ERMN: variants seen among roughly 807,000 people sequenced by gnomAD.
ERMN encodes ermin, ERM-like protein.
Under a neutral mutation model 21.4 loss-of-function variants are expected in ERMN, and 17 were observed. That is an observed-to-expected ratio of 0.80 (90% CI 0.54 to 1.19). The LOEUF (loss-of-function observed/expected upper bound fraction) is 1.19. ERMN is among the 50% of genes most tolerant of loss of function. The pLI is 0.00. For synonymous variants in ERMN, 115 were observed against 111.9 expected, an observed-to-expected ratio of 1.03 and a Z score of -0.17; for missense variants, 348 against 331.6, an observed-to-expected ratio of 1.05 and a Z score of -0.38.
chr2:157,327,592 T>G (rs1352766745), upstream of ERMN: 6 of 698,172 alleles, frequency 8.6e-6, no homozygotes, highest in Non-Finnish European at 1.6e-5. Context: ...GCAAGCCTAC[T>G]GATGAGAGTT....
At chr2:157,322,947 TA>T (rs1425980412) in intron 2 of ERMN, among the ~76,000 whole-genome samples, 1 of 152,252 alleles carries the variant, frequency 6.6e-6, no homozygotes, top group Non-Finnish European at 1.5e-5. Flanking sequence ...TTGTCACATA[TA>T]AAATTACTCC....
chr2:157,322,388 C>A (rs1264544555), intron 2 of ERMN, among the ~76,000 whole-genome samples: 1 of 152,116 alleles, frequency 6.6e-6, no homozygotes, highest in Non-Finnish European at 1.5e-5. Flanking sequence ...TACCAACATA[C>A]CCTCAACAAT....
intron 2 of ERMN, chr2:157,324,093 TACACACACAC>T (rs61547889): frequency 1.0e-4 from 17 of 166,090 alleles, no homozygotes; most frequent in South Asian, 5.9e-4. Flanking sequence ...CTACTAAAAA[TACACACACAC>T]ACACACACAC....
At chr2:157,322,720 C>T (rs910318236) in intron 2 of ERMN, among the ~76,000 whole-genome samples, 2 of 152,182 alleles carry the variant, frequency 1.3e-5, no homozygotes, top group African/African-American at 2.4e-5. Flanking sequence ...CTAGGGAATA[C>T]ATAGTAAACT....
upstream of ERMN, among the ~76,000 whole-genome samples, chr2:157,326,366 A>G (rs1033764010): frequency 6.6e-6 from 1 of 152,210 alleles, no homozygotes; most frequent in Admixed American, 6.5e-5. Flanking sequence ...AATTCTACCA[A>G]CTTGCTAATA....
rs945095817 is a variant in ERMN at position 157,319,818 on chromosome 2, A to G, written c.*1453T>C. Reference sequence around the variant, plus strand: ...CAACTAAATAATAGTATGTGATACTATGGAAATATAATATATGACCCGGAA... The same window carrying G: ...CAACTAAATAATAGTATGTGATACTGTGGAAATATAATATATGACCCGGAA... On this transcript the variant is annotated 3_prime_UTR_variant, in exon 3 of 3. Coordinates refer to ENST00000410096, the MANE Select transcript of ERMN (RefSeq NM_020711.3). 1.6e-4 allele frequency: 25 copies of G among 152,206 alleles called. 1 individual carries two copies. The highest frequency in any genetic ancestry group is 1.5e-3 in the Admixed American group (23 of 15,264). 9.4% of individuals were successfully genotyped at this position (152,206 alleles called of 1,614,324 possible). A position where few individuals can be genotyped will look rare whatever the true frequency, so the allele number is the denominator to read the frequency against.
chr2:157,327,302 A>T, upstream of ERMN: 2 of 588,320 alleles, frequency 3.4e-6, no homozygotes, highest in Non-Finnish European at 3.1e-6. Flanking sequence ...TCCTTGGAAG[A>T]CATCTCTAAT....
intron 2 of ERMN, 109 bp from the exon 3 acceptor site, chr2:157,321,900 GT>G: frequency 2.2e-6 from 2 of 928,776 alleles, no homozygotes; most frequent in Non-Finnish European, 3.1e-6. Flanking sequence ...CCCAACACAT[GT>G]TTTATGGGAT....
At chr2:157,327,380 T>C (rs1398790638), upstream of ERMN, 10 of 748,452 alleles carry the variant, frequency 1.3e-5, no homozygotes, top group Non-Finnish European at 2.2e-5. Context: ...TCTATGTTTG[T>C]TTGATTGTTT....
At chr2:157,326,074 T>G (rs919496411), upstream of ERMN, 8 of 379,608 alleles carry the variant, frequency 2.1e-5, no homozygotes, top group Non-Finnish European at 3.1e-5. Flanking sequence ...TAATTTTCCC[T>G]GTAACAGGAG....
Position 157,321,574 on chromosome 2 carries a change from T to C in ERMN, c.552A>G (p.Glu184=). The part of the protein sequence containing the change: ...KHDEEQKVWD[E]EIDDDDDDNC... ...TATCATCATCATCATCATCAATTTC[T>C]TCATCCCAAACCTTCTGCTCCTCAT... is the stretch of plus-strand genomic sequence containing the variant. Residue 184 remains glutamate (E), a synonymous_variant, in exon 3 of 3, where the codon GAA becomes GAG. Transcript: ENST00000410096. The C allele has an allele frequency of 6.2e-7, 1 of 1,614,130 alleles. No individual in the cohort carries two copies. The highest frequency in any genetic ancestry group is 8.5e-7 in the Non-Finnish European group (1 of 1,180,008).
rs767831155 is a variant in ERMN at position 157,321,227 on chromosome 2, G to A, written c.*44C>T. 1.0e-5 allele frequency: 16 copies of A among 1,575,576 alleles called. No individual in the cohort carries two copies. In the African/African-American group the frequency reaches 2.0e-4, roughly 20 times the overall value. ...TATGCACCCTGGGGCAATAGAATTAGCTTTTCCTTTAGTGGGCATGAGAAT... is the reference window on the plus strand; with the variant it reads ...TATGCACCCTGGGGCAATAGAATTAACTTTTCCTTTAGTGGGCATGAGAAT... On this transcript the variant is annotated 3_prime_UTR_variant, in exon 3 of 3. Transcript: ENST00000410096.
At chr2:157,327,537 A>C, upstream of ERMN, 1 of 768,882 alleles carries the variant, frequency 1.3e-6, no homozygotes, top group South Asian at 1.4e-5. Flanking sequence ...AGAAAAATGA[A>C]GTGCAGAGAG....
chr2:157,325,623 G>A lies in ERMN; in HGVS notation c.20C>T (p.Thr7Ile), dbSNP rs1256665163. The A allele has an allele frequency of 5.0e-6, 8 of 1,614,084 alleles. No individual in the cohort carries two copies. The highest frequency in any genetic ancestry group is 6.8e-6 in the Non-Finnish European group (8 of 1,180,022). The change falls in exon 1 of 3, where the codon ACA becomes ATA. Residue 7 changes from threonine to isoleucine, a missense_variant. Transcript: ENST00000410096. The part of the protein sequence containing the change: MTDVPA[T>I]FTQAECNGDK... ...CCCATTACACTCAGCCTGGGTAAATGTAGCCGGAACATCTGTCATGATGTG... is the reference window on the plus strand; with the variant it reads ...CCCATTACACTCAGCCTGGGTAAATATAGCCGGAACATCTGTCATGATGTG...
In ERMN at chr2:157,320,165, A is replaced by G. The variant is rs913350555; in HGVS notation, c.*1106T>C. 2 of 152,604 alleles carry G rather than the reference A, an allele frequency of 1.3e-5. No homozygotes were observed. Among genetic ancestry groups the G allele is most frequent in the African/African-American group, 4.8e-5 (2 of 41,456 alleles). The allele number at this position is 152,604 out of a possible 1,614,324, so 9.5% of individuals were successfully genotyped here. ...AAATATTCAATACGTTATTTGACACATTGGTTTGAGTGAAGCTCCACAAGT... is the reference window on the plus strand; with the variant it reads ...AAATATTCAATACGTTATTTGACACGTTGGTTTGAGTGAAGCTCCACAAGT... On this transcript the variant is annotated 3_prime_UTR_variant, in exon 3 of 3. Transcript: ENST00000410096.
chr2:157,324,594 T>C (rs1684010317), intron 2 of ERMN, 76 bp downstream of exon 2: 3 of 1,191,436 alleles, frequency 2.5e-6, no homozygotes, highest in Non-Finnish European at 3.7e-6. Flanking sequence ...CCCACGCTCA[T>C]GCAACATTTC....
At chr2:157,322,804 C>T (rs183843545) in intron 2 of ERMN, among the ~76,000 whole-genome samples, 42 of 152,220 alleles carry the variant, frequency 2.8e-4, no homozygotes, top group African/African-American at 8.9e-4. Context: ...GCTAGTGTCC[C>T]GTCAATGTTC....
chr2:157,322,094 C>G (rs751825512), intron 2 of ERMN, among the ~76,000 whole-genome samples: 4 of 151,972 alleles, frequency 2.6e-5, no homozygotes, highest in Non-Finnish European at 4.4e-5. Context: ...GTCTATGGAA[C>G]TCTGTTGTGG....
At position 157,321,354 on chromosome 2, in the gene ERMN, A is replaced by G; in HGVS notation, c.772T>C (p.Tyr258His). The change falls in exon 3 of 3, where the codon TAC (tyrosine) becomes CAC (histidine). Residue 258 changes from tyrosine (Y) to histidine (H), a missense_variant. Transcript: ENST00000410096. ...ATTTTCCGATAGGATATTGTATTGTATCTGGAATAAGCATTTCTGGAGATA... is the reference window on the plus strand; with the variant it reads ...ATTTTCCGATAGGATATTGTATTGTGTCTGGAATAAGCATTTCTGGAGATA... ...SDISRNAYSR[Y>H]NTISYRKIRK... The G allele has an allele frequency of 6.2e-7, 1 of 1,614,050 alleles. No individual in the cohort carries two copies. The highest frequency in any genetic ancestry group is 8.5e-7 in the Non-Finnish European group (1 of 1,179,972).
Sources: allele counts gnomAD v4.1 joint callset (sites outside exome capture counted in the v4.1 genomes callset), GRCh38; gene constraint gnomAD v4.1.1; transcripts MANE v1.5; gene names NCBI Gene and HGNC (gene_info 2026-07-23, HGNC 2026-07-21).